Variants in ZFPM2 observed in about 807,000 individuals in gnomAD.
ZFPM2 encodes zinc finger protein ZFPM2.
Under a neutral mutation model 98.6 loss-of-function variants are expected in ZFPM2, and 20 were observed. That is an observed-to-expected ratio of 0.20 (90% CI 0.14 to 0.29). The LOEUF is 0.29. Ranked by LOEUF, ZFPM2 falls within the 10% of genes least tolerant of loss-of-function variation. The pLI, the probability that ZFPM2 is intolerant of heterozygous loss-of-function variation, is 1.00. For missense variants in ZFPM2, 1,310 were observed against 1,388.6 expected (o/e 0.94, Z 0.90); for synonymous variants, 518 against 502.7 (o/e 1.03, Z -0.41).
chr8:105,448,653 A>G (rs1812425377), intron 3 of ZFPM2, among the ~76,000 whole-genome samples: 1 of 152,054 alleles, frequency 6.6e-6, no homozygotes, highest in African/African-American at 2.4e-5. Flanking sequence ...CGAAGTGTAC[A>G]GATTTTAGAT....
intron 1 of ZFPM2, among the ~76,000 whole-genome samples, chr8:105,369,166 A>G (rs796312315): frequency 2.6e-5 from 4 of 152,150 alleles, no homozygotes; most frequent in African/African-American, 7.2e-5. Flanking sequence ...TTCCATGTCT[A>G]TGTCTGATAA....
intron 5 of ZFPM2, among the ~76,000 whole-genome samples, chr8:105,668,073 C>G (rs1817522538): frequency 6.6e-6 from 1 of 152,150 alleles, no homozygotes. Context: ...ATAGGAGGGA[C>G]TCAAGAAAGT....
In ZFPM2 at chr8:105,663,822, A is replaced by G. The variant is rs140817600; in HGVS notation, c.532+29465A>G. ...AATCAAGTATAATGTTCACTCTAAGATGGTCTCTGTCATTGTGATTTGTTT... is the reference window on the plus strand; with the variant it reads ...AATCAAGTATAATGTTCACTCTAAGGTGGTCTCTGTCATTGTGATTTGTTT... On this transcript the variant is annotated intron_variant, in intron 5 of 7. Coordinates refer to ENST00000407775, the MANE Select transcript of ZFPM2 (RefSeq NM_012082.4). Among the ~76,000 whole-genome samples, 52 of 152,314 alleles carry G rather than the reference A, an allele frequency of 3.4e-4. No individual in the cohort carries two copies. In the East Asian group the frequency reaches 0.01, roughly 29 times the overall value.
At chr8:105,580,857 G>GA (rs1815580043) in intron 4 of ZFPM2, among the ~76,000 whole-genome samples, 1 of 149,134 alleles carries the variant, frequency 6.7e-6, no homozygotes, top group Non-Finnish European at 1.5e-5. Flanking sequence ...ATCACTGAGA[G>GA]AAAAAATCTT....
Position 105,540,988 on chromosome 8 carries a change from T to C in ZFPM2, c.302-20375T>C, listed in dbSNP as rs371420476. ...ACTACATGACTTTGAAACAGTTTTA[T>C]GTAGCTGGCAGTTTTGGTAGTTGTA... is the stretch of plus-strand genomic sequence containing the variant. On this transcript the variant is annotated intron_variant, in intron 3 of 7. Transcript: ENST00000407775. Among the ~76,000 whole-genome samples, 5 of 152,278 alleles carry C rather than the reference T, an allele frequency of 3.3e-5. No individual in the cohort carries two copies. In the East Asian group the frequency reaches 7.7e-4, roughly 24 times the overall value.
At chr8:105,405,257 C>T (rs1229920715) in intron 1 of ZFPM2, among the ~76,000 whole-genome samples, 1 of 151,776 alleles carries the variant, frequency 6.6e-6, no homozygotes, top group East Asian at 1.9e-4. Flanking sequence ...TAATGGTCCA[C>T]TCTTTCTTTT....
chr8:105,622,642 G>A (rs1816575670), intron 4 of ZFPM2, among the ~76,000 whole-genome samples: 1 of 152,084 alleles, frequency 6.6e-6, no homozygotes, highest in African/African-American at 2.4e-5. Context: ...TTTGGGTTGG[G>A]AGCATGTTGA....
At chr8:105,642,015 A>C (rs1816957289) in intron 5 of ZFPM2, among the ~76,000 whole-genome samples, 1 of 152,110 alleles carries the variant, frequency 6.6e-6, no homozygotes. Flanking sequence ...ATGAGAAATG[A>C]AGAGTGGGGT....
At chr8:105,547,223 T>A (rs1814726813) in intron 3 of ZFPM2, among the ~76,000 whole-genome samples, 2 of 152,072 alleles carry the variant, frequency 1.3e-5, no homozygotes, top group Non-Finnish European at 2.9e-5. Context: ...TTATTCTGGA[T>A]AACTGATATT....
intron 3 of ZFPM2, among the ~76,000 whole-genome samples, chr8:105,463,538 G>C (rs1468962504): frequency 6.6e-6 from 1 of 151,916 alleles, no homozygotes; most frequent in Admixed American, 6.6e-5. Flanking sequence ...TTGAAGAAGA[G>C]AAGCTCTGAT....
intron 5 of ZFPM2, among the ~76,000 whole-genome samples, chr8:105,778,526 G>A (rs1813162430): frequency 6.6e-6 from 1 of 151,884 alleles, no homozygotes; most frequent in Non-Finnish European, 1.5e-5. Flanking sequence ...GTGTTTGTTT[G>A]CTAAATGGCC....
intron 5 of ZFPM2, chr8:105,675,824 T>C (rs1810442858): frequency 6.6e-6 from 1 of 152,204 alleles, no homozygotes; most frequent in Non-Finnish European, 1.5e-5. Flanking sequence ...TCTTAGGCAC[T>C]TTATCTGTAC....
intron 3 of ZFPM2, among the ~76,000 whole-genome samples, chr8:105,470,776 T>TA (rs559014486): frequency 1.4e-4 from 21 of 148,634 alleles, no homozygotes; most frequent in East Asian, 3.9e-4. Flanking sequence ...AGACTTCATC[T>TA]AAAAAAAAAA....
At chr8:105,652,845 G>A (rs1316027812) in intron 5 of ZFPM2, among the ~76,000 whole-genome samples, 28 of 152,066 alleles carry the variant, frequency 1.8e-4, no homozygotes, top group Admixed American at 8.5e-4. Flanking sequence ...CTATAAAATA[G>A]TAAATACTCT....
chr8:105,674,283 A>G (rs570445307), intron 5 of ZFPM2, among the ~76,000 whole-genome samples: 43 of 152,356 alleles, frequency 2.8e-4, no homozygotes, highest in Non-Finnish European at 1.3e-4. Flanking sequence ...CAGACTTCTT[A>G]TGAAATGGCC....
rs148844320 is a variant in ZFPM2, at chr8:105,436,111, A to T, written c.200-8169A>T. Among the ~76,000 whole-genome samples, 33 of 152,348 alleles carry T rather than the reference A, an allele frequency of 2.2e-4. No individual in the cohort carries two copies. In the East Asian group the frequency reaches 6.4e-3, roughly 29 times the overall value. On this transcript the variant is annotated intron_variant, in intron 2 of 7. Transcript: ENST00000407775. ...CTAATTTTTTAAGTGCTCAGTAAGCAATGGTAATTGATTAACATTTGTATG... is the reference window on the plus strand; with the variant it reads ...CTAATTTTTTAAGTGCTCAGTAAGCTATGGTAATTGATTAACATTTGTATG...
intron 5 of ZFPM2, among the ~76,000 whole-genome samples, chr8:105,689,059 C>G (rs945622795): frequency 2.0e-5 from 3 of 152,150 alleles, no homozygotes; most frequent in African/African-American, 7.2e-5. Context: ...TTTGCATATG[C>G]TGTTCATCTC....
intron 3 of ZFPM2, among the ~76,000 whole-genome samples, chr8:105,533,361 G>T (rs1761060599): frequency 6.6e-6 from 1 of 151,880 alleles, no homozygotes; most frequent in Non-Finnish European, 1.5e-5. Context: ...ATTTCAAAAT[G>T]TGTAAGGAGT....
intron 1 of ZFPM2, among the ~76,000 whole-genome samples, chr8:105,398,565 G>T (rs566897380): frequency 6.6e-6 from 1 of 152,122 alleles, no homozygotes; most frequent in South Asian, 2.1e-4. Context: ...AGGATAAAAC[G>T]GGTCTGCCTC....
Sources: gnomAD v4.1 joint callset for allele counts (sites outside exome capture counted in the v4.1 genomes callset) on GRCh38, gnomAD v4.1.1 for gene constraint, MANE v1.5 for transcripts, NCBI Gene and HGNC (gene_info 2026-07-23, HGNC 2026-07-21) for gene names.